PLXDC2: variants seen among roughly 807,000 people sequenced by gnomAD.
PLXDC2 encodes plexin domain containing 2, also known as plexin domain-containing protein 2.
PLXDC2 carries 40 observed loss-of-function variants against 68.9 expected under a neutral mutation model. That is an observed-to-expected ratio of 0.58 (90% CI 0.45 to 0.76). The LOEUF (loss-of-function observed/expected upper bound fraction) is 0.76. Ranked by LOEUF, PLXDC2 falls within the 30% of genes least tolerant of loss-of-function variation. The probability of loss-of-function intolerance (pLI) is 0.00; values close to 1 mark genes in which losing one functional copy is unlikely to be tolerated. For synonymous variants in PLXDC2, 243 were observed against 234.2 expected (o/e 1.04, Z -0.34); for missense variants, 644 against 661.9 (o/e 0.97, Z 0.30).
At chr10:20,216,124 A>T (rs767020773) in intron 10 of PLXDC2, among the ~76,000 whole-genome samples, 3 of 152,108 alleles carry the variant, frequency 2.0e-5, no homozygotes, top group Non-Finnish European at 4.4e-5. Flanking sequence ...AAAAAAAAAT[A>T]AAAAAATAGA....
At chr10:20,121,482 G>C (rs900029744) in intron 4 of PLXDC2, among the ~76,000 whole-genome samples, 1 of 152,166 alleles carries the variant, frequency 6.6e-6, no homozygotes, top group Non-Finnish European at 1.5e-5. Flanking sequence ...TAACAGATGA[G>C]GATGAAATTT....
intron 6 of PLXDC2, among the ~76,000 whole-genome samples, chr10:20,150,960 A>T (rs532849405): frequency 1.5e-4 from 23 of 152,290 alleles, no homozygotes; most frequent in African/African-American, 5.5e-4. Context: ...TTTTCTTGAT[A>T]TTCCCAGGCT....
chr10:20,214,003 ACTCT>A (rs1835103735), intron 10 of PLXDC2, among the ~76,000 whole-genome samples: 1 of 151,878 alleles, frequency 6.6e-6, no homozygotes, highest in South Asian at 2.1e-4. Flanking sequence ...CGGTTTATTA[ACTCT>A]CCCTTCATCT....
At chr10:19,885,376 TTTTG>T (rs1180067315) in intron 1 of PLXDC2, among the ~76,000 whole-genome samples, 1 of 152,032 alleles carries the variant, frequency 6.6e-6, no homozygotes, top group Admixed American at 6.6e-5. Context: ...CATTTGTCAA[TTTTG>T]GCTTTTGTTG....
chr10:19,914,725 A>C (rs1833335649), intron 1 of PLXDC2, among the ~76,000 whole-genome samples: 1 of 152,220 alleles, frequency 6.6e-6, no homozygotes. Flanking sequence ...AATCTGAGAG[A>C]AACTTTTAGA....
intron 1 of PLXDC2, among the ~76,000 whole-genome samples, chr10:19,835,714 A>G (rs948124354): frequency 1.3e-5 from 2 of 152,150 alleles, no homozygotes; most frequent in Admixed American, 6.5e-5. Context: ...AGCCACCTAG[A>G]GTGAGAGGCA....
intron 1 of PLXDC2, among the ~76,000 whole-genome samples, chr10:19,844,880 C>G (rs1012574940): frequency 2.0e-5 from 3 of 152,182 alleles, no homozygotes; most frequent in Non-Finnish European, 4.4e-5. Flanking sequence ...AGGCAAGAGC[C>G]AATACACCTG....
At chr10:20,108,001 C>A (rs1312290175) in intron 4 of PLXDC2, among the ~76,000 whole-genome samples, 1 of 152,066 alleles carries the variant, frequency 6.6e-6, no homozygotes, top group Non-Finnish European at 1.5e-5. Context: ...AAATATTGTG[C>A]AATTCTTTTT....
At chr10:20,121,731 C>T (rs972254530) in intron 4 of PLXDC2, among the ~76,000 whole-genome samples, 3 of 151,966 alleles carry the variant, frequency 2.0e-5, no homozygotes, top group Admixed American at 2.0e-4. Context: ...GGTAGATAGG[C>T]AAAACAATTT....
chr10:20,079,083 G>A (rs989376604), intron 4 of PLXDC2, among the ~76,000 whole-genome samples: 3 of 151,788 alleles, frequency 2.0e-5, no homozygotes, highest in East Asian at 3.9e-4. Flanking sequence ...AAAATTCATG[G>A]CATTTAAACA....
chr10:19,856,526 C>T (rs1478172411), intron 1 of PLXDC2, among the ~76,000 whole-genome samples: 1 of 152,098 alleles, frequency 6.6e-6, no homozygotes, highest in African/African-American at 2.4e-5. Flanking sequence ...AGAACTTTCT[C>T]CAAAAAGTTC....
In PLXDC2 at chr10:20,019,070, AG is replaced by A. The variant is rs535203009; in HGVS notation, c.324+17086del. ...CAAGGCGAGAGGATCCCTTTAGCCC[AG>A]GAGTTCAAGACCAGCCAGGGTAACA... On this transcript the variant is annotated intron_variant, in intron 2 of 13. Transcript: ENST00000377252. Among the ~76,000 whole-genome samples, 45 of 152,358 alleles carry A rather than the reference AG, an allele frequency of 3.0e-4. 1 individual carries two copies. The South Asian group carries it at 7.9e-3, about 27-fold the overall frequency.
chr10:20,222,908 G>A (rs1835232712), intron 12 of PLXDC2, among the ~76,000 whole-genome samples: 1 of 152,190 alleles, frequency 6.6e-6, no homozygotes, highest in Non-Finnish European at 1.5e-5. Flanking sequence ...CTAGTTACAT[G>A]TGTAATATTA....
intron 4 of PLXDC2, among the ~76,000 whole-genome samples, chr10:20,084,409 G>A (rs987167116): frequency 3.3e-5 from 5 of 152,166 alleles, no homozygotes; most frequent in African/African-American, 1.2e-4. Context: ...ATAGCAGGAA[G>A]GTGGTGTGAG....
intron 2 of PLXDC2, among the ~76,000 whole-genome samples, chr10:20,012,029 C>A (rs750407206): frequency 6.6e-6 from 1 of 150,692 alleles, no homozygotes; most frequent in Non-Finnish European, 1.5e-5. Flanking sequence ...TTTCTATGAA[C>A]CTTCCCCAAA....
At chr10:20,099,498 C>T (rs1005735526) in intron 4 of PLXDC2, among the ~76,000 whole-genome samples, 7 of 152,132 alleles carry the variant, frequency 4.6e-5, no homozygotes, top group African/African-American at 1.7e-4. Flanking sequence ...TTTCATTTCC[C>T]ATCCACTTCT....
chr10:20,099,062 CTT>C (rs1312812169), intron 4 of PLXDC2, among the ~76,000 whole-genome samples: 2 of 152,002 alleles, frequency 1.3e-5, no homozygotes, highest in African/African-American at 2.4e-5. Flanking sequence ...CATTTTCAGA[CTT>C]TTTGATATGA....
chr10:20,090,436 A>T (rs1833260930), intron 4 of PLXDC2, among the ~76,000 whole-genome samples: 1 of 148,804 alleles, frequency 6.7e-6, no homozygotes, highest in Non-Finnish European at 1.5e-5. Context: ...GGAGGGGAAG[A>T]TATGCAGGGA....
intron 3 of PLXDC2, among the ~76,000 whole-genome samples, chr10:20,059,731 C>T (rs1249678635): frequency 6.6e-6 from 1 of 152,054 alleles, no homozygotes; most frequent in Non-Finnish European, 1.5e-5. Flanking sequence ...GGATTAATGA[C>T]CTATGTCTGT....
Sources: allele counts gnomAD v4.1 joint callset (sites outside exome capture counted in the v4.1 genomes callset), GRCh38; gene constraint gnomAD v4.1.1; transcripts MANE v1.5; gene names NCBI Gene and HGNC (gene_info 2026-07-23, HGNC 2026-07-21).